The following RSF1 variants were observed in gnomAD, a reference collection of about 807,000 sequenced individuals.
RSF1 encodes the protein HBV pX-associated protein 8.
A neutral mutation model predicts 145.2 loss-of-function variants in RSF1; 13 were observed. That is an observed-to-expected ratio of 0.09 (90% CI 0.06 to 0.14). RSF1 has a LOEUF of 0.14. RSF1 is among the 10% of genes least tolerant of loss of function. The probability of loss-of-function intolerance (pLI) is 1.00; values close to 1 mark genes in which losing one functional copy is unlikely to be tolerated. For missense variants in RSF1, 1,517 were observed against 1,718.2 expected (o/e 0.88, Z 2.07); for synonymous variants, 577 against 592.6 (o/e 0.97, Z 0.38).
the RSF1 span, among the ~76,000 whole-genome samples, chr11:77,828,800 T>C: frequency 1.3e-5 from 2 of 152,228 alleles, no homozygotes; most frequent in African/African-American, 4.8e-5. Flanking sequence ...TACCTTTAAG[T>C]TGAAGTACAG....
At chr11:77,823,085 C>G (rs1019261289), upstream of RSF1, among the ~76,000 whole-genome samples, 1 of 151,694 alleles carries the variant, frequency 6.6e-6, no homozygotes, top group Non-Finnish European at 1.5e-5. Context: ...GTGGTGGCGG[C>G]GGGCCCCTGT....
the RSF1 span, among the ~76,000 whole-genome samples, chr11:77,828,612 A>T: frequency 6.6e-6 from 1 of 151,306 alleles, no homozygotes; most frequent in South Asian, 2.1e-4. Flanking sequence ...TGGAGCTTGC[A>T]GTGAGCCAAG....
chr11:77,670,569 TTTGTTTGCTGTTATATTCC>T lies in RSF1; in HGVS notation c.3751+1454_3751+1472del, dbSNP rs1414811069. Among the ~76,000 whole-genome samples, 6 of 152,334 alleles carry T rather than the reference TTTGTTTGCTGTTATATTCC, an allele frequency of 3.9e-5. No homozygotes were observed. The East Asian group carries it at 1.2e-3, about 29-fold the overall frequency. On this transcript the variant is annotated intron_variant, in intron 15 of 15. Transcript: ENST00000308488. ...AAAATAAGAGTTTCATAAGAGCTAT[TTTGTTTGCTGTTATATTCC>T]AGTGCTTGGAATAGGGCCTAGCTTA...
Position 77,740,362 on chromosome 11 carries a change from C to T in RSF1, c.578+369G>A, listed in dbSNP as rs1441244813. Among the ~76,000 whole-genome samples, 7 of 152,198 alleles carry T rather than the reference C, an allele frequency of 4.6e-5. No homozygotes were observed. The South Asian group carries it at 6.2e-4, about 14-fold the overall frequency. On this transcript the variant is annotated intron_variant, in intron 4 of 15. Transcript: ENST00000308488. ...TGCACTCCAGCCTGGGCAACAAGAG[C>T]GAAACTCCGTTTAAAAAAGAAAAGA...
At chr11:77,767,970 T>C (rs1484348110) in intron 1 of RSF1, among the ~76,000 whole-genome samples, 3 of 152,098 alleles carry the variant, frequency 2.0e-5, no homozygotes, top group African/African-American at 4.8e-5. Context: ...ACAAATAGAT[T>C]ATGTATTACT....
intron 2 of RSF1, among the ~76,000 whole-genome samples, chr11:77,755,727 G>A (rs1031653571): frequency 2.0e-5 from 3 of 151,926 alleles, no homozygotes; most frequent in Non-Finnish European, 2.9e-5. Context: ...CTACAGGTAC[G>A]CGCCACCATG....
chr11:77,762,031 T>TTTCTTTTC (rs1309225652), intron 2 of RSF1: 4 of 100,028 alleles, frequency 4.0e-5, no homozygotes, highest in South Asian at 3.9e-4. Context: ...TCTTTTCTTT[T>TTTCTTTTC]TTTTTTTTTT....
At chr11:77,733,920 C>T (rs1403642352) in intron 4 of RSF1, among the ~76,000 whole-genome samples, 1 of 152,150 alleles carries the variant, frequency 6.6e-6, no homozygotes, top group Non-Finnish European at 1.5e-5. Flanking sequence ...AATAAAATCA[C>T]TTATTACATC....
intron 4 of RSF1, among the ~76,000 whole-genome samples, chr11:77,727,661 G>A (rs1356705911): frequency 6.6e-6 from 1 of 151,828 alleles, no homozygotes; most frequent in African/African-American, 2.4e-5. Context: ...TGTAATTTTA[G>A]TAGAGATGAG....
intron 2 of RSF1, among the ~76,000 whole-genome samples, chr11:77,759,046 CTTTA>C (rs1485027057): frequency 1.3e-5 from 2 of 152,132 alleles, no homozygotes; most frequent in Non-Finnish European, 2.9e-5. Flanking sequence ...GAAGATTTCC[CTTTA>C]TTTTTTTCTA....
At chr11:77,735,044 G>C in intron 4 of RSF1, 4 of 1,359,634 alleles carry the variant, frequency 2.9e-6, no homozygotes, top group Non-Finnish European at 4.1e-6. Context: ...ACTAAGGAGA[G>C]GTGGCGGCGG....
At chr11:77,700,281 G>A (rs1960383222) in intron 6 of RSF1, among the ~76,000 whole-genome samples, 1 of 146,196 alleles carries the variant, frequency 6.8e-6, no homozygotes, top group Admixed American at 7.0e-5. Flanking sequence ...AACCAGGGAG[G>A]CAGAGGTTGC....
chr11:77,828,389 C>T, the RSF1 span, among the ~76,000 whole-genome samples: 10 of 151,852 alleles, frequency 6.6e-5, no homozygotes, highest in African/African-American at 1.5e-4. Flanking sequence ...AAATTATAGC[C>T]GGGTGCGGTG....
the RSF1 span, chr11:77,841,253 C>G: frequency 1.4e-6 from 1 of 702,248 alleles, no homozygotes; most frequent in Admixed American, 2.0e-5. Context: ...GTTATAATGG[C>G]AGTTAAATTT....
At chr11:77,674,333 A>G (rs1959634885) in intron 14 of RSF1, among the ~76,000 whole-genome samples, 1 of 152,208 alleles carries the variant, frequency 6.6e-6, no homozygotes, top group Non-Finnish European at 1.5e-5. Flanking sequence ...TTGAGCCTCT[A>G]TTTACTCACT....
chr11:77,748,613 T>G (rs930132156), intron 2 of RSF1, among the ~76,000 whole-genome samples: 1 of 152,162 alleles, frequency 6.6e-6, no homozygotes, highest in African/African-American at 2.4e-5. Context: ...TATCAAAAGC[T>G]AAAATGTCAG....
the RSF1 span, chr11:77,841,166 A>G: frequency 2.9e-6 from 2 of 701,172 alleles, no homozygotes; most frequent in Non-Finnish European, 5.2e-6. Flanking sequence ...CTACTCCTGC[A>G]ATAACAGCAT....
At chr11:77,821,142 G>T, upstream of RSF1, 1 of 402,818 alleles carries the variant, frequency 2.5e-6, no homozygotes, top group Non-Finnish European at 4.4e-6. Flanking sequence ...TTCCCGGAGG[G>T]CAGTTGGGGA....
chr11:77,734,043 A>C (rs1961275944), intron 4 of RSF1, among the ~76,000 whole-genome samples: 1 of 152,206 alleles, frequency 6.6e-6, no homozygotes, highest in Non-Finnish European at 1.5e-5. Flanking sequence ...AACTGGAATA[A>C]GTAGGACACT....
Sources: gnomAD v4.1 joint callset for allele counts (sites outside exome capture counted in the v4.1 genomes callset) on GRCh38, gnomAD v4.1.1 for gene constraint, MANE v1.5 for transcripts, NCBI Gene and HGNC (gene_info 2026-07-23, HGNC 2026-07-21) for gene names.